Variants in BACE2 observed in about 807,000 individuals in gnomAD.
BACE2 encodes beta-secretase 2, also known as 56 kDa aspartic-like protease.
A neutral mutation model predicts 46.2 loss-of-function variants in BACE2; 17 were observed. The ratio of observed to expected loss-of-function variants is 0.37; its 90% confidence interval spans 0.25 to 0.55. The LOEUF (loss-of-function observed/expected upper bound fraction) is 0.55. Ranked by LOEUF, BACE2 falls within the 20% of genes least tolerant of loss-of-function variation. The pLI, the probability that BACE2 is intolerant of heterozygous loss-of-function variation, is 0.82. For synonymous variants in BACE2, 277 were observed against 295.9 expected, an observed-to-expected ratio of 0.94 and a Z score of 0.66; for missense variants, 595 against 698.1, an observed-to-expected ratio of 0.85 and a Z score of 1.66.
In BACE2 at chr21:41,275,730, G is replaced by A. The variant is rs2088481091; in HGVS notation, c.*106G>A. 4.4e-6 allele frequency: 6 copies of A among 1,358,036 alleles called. No homozygotes were observed. The highest frequency in any genetic ancestry group is 1.4e-5 in the South Asian group (1 of 72,214). The allele number at this position is 1,358,036 out of a possible 1,614,324, so 84.1% of individuals were successfully genotyped here. On this transcript the variant is annotated 3_prime_UTR_variant, in exon 9 of 9. Transcript: ENST00000330333. ...GTGGCGCTTTCTCCTGTGCCCACCC[G>A]TCTTCAATCTCTGTTCTGCTCCCAG...
chr21:41,266,622 G>A (rs558851952), intron 8 of BACE2, among the ~76,000 whole-genome samples: 37 of 152,306 alleles, frequency 2.4e-4, no homozygotes, highest in African/African-American at 8.4e-4. Flanking sequence ...CAACCTCTTA[G>A]CCCCTGAGCT....
intron 4 of BACE2, among the ~76,000 whole-genome samples, chr21:41,242,385 G>C (rs1987327964): frequency 6.6e-6 from 1 of 152,012 alleles, no homozygotes; most frequent in Non-Finnish European, 1.5e-5. Flanking sequence ...ACGCACCACA[G>C]CACAAGTGTT....
At chr21:41,197,472 A>G (rs1413867023) in intron 1 of BACE2, among the ~76,000 whole-genome samples, 1 of 152,150 alleles carries the variant, frequency 6.6e-6, no homozygotes, top group Non-Finnish European at 1.5e-5. Context: ...CTAAGTGAGA[A>G]GCGTAACATC....
intron 1 of BACE2, among the ~76,000 whole-genome samples, chr21:41,196,091 C>T (rs1198379003): frequency 6.6e-6 from 1 of 151,846 alleles, no homozygotes; most frequent in Non-Finnish European, 1.5e-5. Flanking sequence ...TTGAGACCAG[C>T]CTGGCCAACA....
At chr21:41,259,605 A>G (rs1386135019) in intron 8 of BACE2, among the ~76,000 whole-genome samples, 1 of 152,036 alleles carries the variant, frequency 6.6e-6, no homozygotes, top group Non-Finnish European at 1.5e-5. Flanking sequence ...AAAACCAAGT[A>G]TAGCTAAAGT....
intron 2 of BACE2, among the ~76,000 whole-genome samples, chr21:41,232,768 C>A (rs1264587849): frequency 6.6e-6 from 1 of 152,178 alleles, no homozygotes; most frequent in Non-Finnish European, 1.5e-5. Flanking sequence ...TCATGCACAG[C>A]CTACAGAACC....
intron 1 of BACE2, among the ~76,000 whole-genome samples, chr21:41,173,395 TC>T (rs1350610485): frequency 6.6e-6 from 1 of 152,176 alleles, no homozygotes; most frequent in Non-Finnish European, 1.5e-5. Context: ...TGTTTCTGCT[TC>T]CCTTCTGTAC....
chr21:41,189,002 G>C (rs1348382833), intron 1 of BACE2, among the ~76,000 whole-genome samples: 1 of 152,226 alleles, frequency 6.6e-6, no homozygotes, highest in Non-Finnish European at 1.5e-5. Flanking sequence ...TGGCCAGGCA[G>C]CATCTTCTTG....
chr21:41,168,547 A>G lies in BACE2; in HGVS notation c.284A>G (p.Glu95Gly). The G allele has an allele frequency of 1.5e-6, 2 of 1,337,412 alleles. No individual in the cohort carries two copies. The highest frequency in any genetic ancestry group is 2.5e-5 in the South Asian group (1 of 40,242). 82.8% of individuals were successfully genotyped at this position (1,337,412 alleles called of 1,614,324 possible). A position where few individuals can be genotyped will look rare whatever the true frequency, so the allele number is the denominator to read the frequency against. The change falls in exon 1 of 9, where the codon GAG (glutamate) becomes GGG (glycine). Residue 95 changes from glutamate (E) to glycine (G), a missense_variant. Physicochemically the swap from Glu to Gly is moderately conservative, Grantham distance 98. Around this residue, in one of 3 missense-constraint regions of BACE2, gnomAD observed 248 missense variants for 261.4 expected, o/e 0.95. Coordinates refer to ENST00000330333, the MANE Select transcript of BACE2 (RefSeq NM_012105.5). ...QGDSGRGYYL[E>G]MLIGTPPQKL... The stretch of plus-strand genomic sequence containing the variant: ...GACTCTGGCCGCGGCTACTACCTGG[A>G]GATGCTGATCGGGACCCCCCCGCAG...
chr21:41,268,961 T>C (rs538778052), intron 8 of BACE2, among the ~76,000 whole-genome samples: 82 of 151,818 alleles, frequency 5.4e-4, no homozygotes, highest in Non-Finnish European at 1.0e-3. Flanking sequence ...TCTTCTCTTT[T>C]CTTTTTTTTT....
intron 7 of BACE2, among the ~76,000 whole-genome samples, chr21:41,255,613 G>A (rs911792486): frequency 1.3e-5 from 2 of 152,336 alleles, no homozygotes; most frequent in African/African-American, 4.8e-5. Flanking sequence ...CCTCGAGGGA[G>A]CAGGGACTGT....
Position 41,275,884 on chromosome 21 carries a change from C to T in BACE2, c.*260C>T, listed in dbSNP as rs1400851075. The T allele has an allele frequency of 2.0e-6, 1 of 495,612 alleles. No homozygotes were observed. Among genetic ancestry groups the T allele is most frequent in the East Asian group, 3.5e-5 (1 of 28,302 alleles). 30.7% of individuals were successfully genotyped at this position (495,612 alleles called of 1,614,324 possible). ...AACAGAGTGGATTGGGCTGCAGGCTCTATGGGGTTCGTTATGCCAAAGTGT... is the reference window on the plus strand; with the variant it reads ...AACAGAGTGGATTGGGCTGCAGGCTTTATGGGGTTCGTTATGCCAAAGTGT... On this transcript the variant is annotated 3_prime_UTR_variant, in exon 9 of 9. Coordinates refer to ENST00000330333, the MANE Select transcript of BACE2 (RefSeq NM_012105.5).
At chr21:41,233,550 G>T (rs1444834104) in intron 2 of BACE2, among the ~76,000 whole-genome samples, 1 of 152,212 alleles carries the variant, frequency 6.6e-6, no homozygotes, top group Non-Finnish European at 1.5e-5. Context: ...TATGCAGGCT[G>T]GTTCAGGTTC....
At chr21:41,275,198 C>A (rs960672355) in intron 8 of BACE2, among the ~76,000 whole-genome samples, 173 bp from the exon 9 acceptor site, 2 of 152,158 alleles carry the variant, frequency 1.3e-5, no homozygotes, top group Non-Finnish European at 2.9e-5. Flanking sequence ...GACTGGACCC[C>A]CAAAGGCACG....
chr21:41,232,073 C>T (rs1202253919), intron 2 of BACE2, among the ~76,000 whole-genome samples: 2 of 151,402 alleles, frequency 1.3e-5, no homozygotes, highest in Non-Finnish European at 2.9e-5. Context: ...ACAAGGCTAG[C>T]CACAAGTCAC....
intron 1 of BACE2, chr21:41,181,289 A>G (rs1185407026): frequency 2.4e-5 from 4 of 167,224 alleles, no homozygotes; most frequent in East Asian, 3.9e-4. Flanking sequence ...TAGGGCACCA[A>G]GAGAAGCCCT....
intron 7 of BACE2, among the ~76,000 whole-genome samples, chr21:41,252,247 T>C (rs1411999147): frequency 1.3e-5 from 2 of 152,218 alleles, no homozygotes; most frequent in Non-Finnish European, 2.9e-5. Flanking sequence ...GTGTTTTCAC[T>C]GAACCCCAAC....
chr21:41,198,909 A>C (rs543709663), intron 1 of BACE2, among the ~76,000 whole-genome samples: 1 of 151,324 alleles, frequency 6.6e-6, no homozygotes, highest in South Asian at 2.1e-4. Context: ...TCTAGGGTAC[A>C]TGTGTACAAT....
chr21:41,251,078 C>T (rs555897530), intron 7 of BACE2, among the ~76,000 whole-genome samples, 177 bp downstream of exon 7: 112 of 152,310 alleles, frequency 7.4e-4, no homozygotes, highest in African/African-American at 2.3e-3. Flanking sequence ...GTCCCTTGGC[C>T]GGGCTCACTC....
Sources: allele counts gnomAD v4.1 joint callset (sites outside exome capture counted in the v4.1 genomes callset), GRCh38; gene constraint gnomAD v4.1.1; regional missense constraint gnomAD v4.1.1; transcripts MANE v1.5; gene names NCBI Gene and HGNC (gene_info 2026-07-23, HGNC 2026-07-21).